The following DMXL1 variants were observed in gnomAD, a reference collection of about 807,000 sequenced individuals.
The protein encoded by DMXL1 is Dmx like 1, also known as dmX-like protein 1.
A neutral mutation model predicts 319.2 loss-of-function variants in DMXL1; 99 were observed. That is an observed-to-expected ratio of 0.31 (90% CI 0.26 to 0.37). DMXL1 has a LOEUF of 0.37. Ranked by LOEUF, DMXL1 falls within the 10% of genes least tolerant of loss-of-function variation. The pLI is 1.00. For synonymous variants in DMXL1, 1,385 were observed against 1,235.2 expected (o/e 1.12, Z -2.54); for missense variants, 3,745 against 3,595.6 (o/e 1.04, Z -1.06).
chr5:119,193,694 G>T, intron 29 of DMXL1, 134 bp from the exon 30 acceptor site: 1 of 869,066 alleles, frequency 1.2e-6, no homozygotes, highest in South Asian at 1.6e-5. Context: ...GGCATAGGAT[G>T]GTAAGATAAT....
chr5:119,183,135 A>G lies in DMXL1; in HGVS notation c.7135+4891A>G, dbSNP rs553695546. Among the ~76,000 whole-genome samples the G allele has an allele frequency of 2.0e-5, 3 of 152,318 alleles. 1 individual carries two copies. The highest frequency in any genetic ancestry group is 4.1e-4 in the South Asian group (2 of 4,828). On this transcript the variant is annotated intron_variant, in intron 28 of 43. Coordinates refer to ENST00000539542, the MANE Select transcript of DMXL1 (RefSeq NM_001290321.3). The stretch of plus-strand genomic sequence containing the variant: ...TATATTTTTTACTATGAGATTGCTA[A>G]TGATATTCTAGACATAAAGTTTATT...
chr5:119,136,685 C>T (rs186703446), intron 13 of DMXL1, among the ~76,000 whole-genome samples: 84 of 152,364 alleles, frequency 5.5e-4, no homozygotes, highest in African/African-American at 1.9e-3. Context: ...TAAAAGGGGC[C>T]GTGGTACAGC....
At chr5:119,117,040 T>G (rs1296878689) in intron 7 of DMXL1, among the ~76,000 whole-genome samples, 2 of 152,142 alleles carry the variant, frequency 1.3e-5, no homozygotes, top group African/African-American at 4.8e-5. Flanking sequence ...TTGTTTTGTT[T>G]AGTTTTGAGA....
At chr5:119,169,378 A>G (rs746783748) in intron 23 of DMXL1, among the ~76,000 whole-genome samples, 74 of 152,326 alleles carry the variant, frequency 4.9e-4, no homozygotes, top group Middle Eastern at 6.8e-3. Flanking sequence ...TGATTTTAAG[A>G]TTGATTACAT....
rs866386365 is a variant in DMXL1, at chr5:119,123,757, A to G, written c.1102+2618A>G. Reference sequence around the variant, plus strand: ...GCAATCTTCTTGCCTTGGCCTCCCAAAGTGCTGGGATTACAGGCGGGAGCC... The same window carrying G: ...GCAATCTTCTTGCCTTGGCCTCCCAGAGTGCTGGGATTACAGGCGGGAGCC... On this transcript the variant is annotated intron_variant, in intron 9 of 43. Coordinates refer to ENST00000539542, the MANE Select transcript of DMXL1 (RefSeq NM_001290321.3). 3.1e-4 allele frequency among the ~76,000 whole-genome samples: 24 copies of G among 77,454 alleles called. 1 individual carries two copies. The highest frequency in any genetic ancestry group is 7.2e-4 in the South Asian group (1 of 1,390). 50.8% of individuals were successfully genotyped at this position (77,454 alleles called of 152,430 possible).
intron 13 of DMXL1, among the ~76,000 whole-genome samples, chr5:119,141,709 A>G (rs987124562): frequency 1.3e-5 from 2 of 152,182 alleles, no homozygotes; most frequent in African/African-American, 4.8e-5. Context: ...TACAGATTCA[A>G]TGCTATTCCT....
chr5:119,170,859 T>C lies in DMXL1; in HGVS notation c.6068T>C (p.Ile2023Thr), dbSNP rs776016349. ...GACCTTTTAAATCCATCAGAAGATA[T>C]AATTGCAGTTCAGTTAAAATTTAGA... Reference protein sequence around the residue: ...ENDLLNPSEDIIAVQLKFRAC... With the variant: ...ENDLLNPSEDTIAVQLKFRAC... Residue 2023 changes from isoleucine (I) to threonine (T), a missense_variant, in exon 24 of 44, where the codon ATA becomes ACA. Transcript: ENST00000539542. The C allele has an allele frequency of 3.7e-5, 60 of 1,612,460 alleles. No individual in the cohort carries two copies. The highest frequency in any genetic ancestry group is 4.7e-5 in the Non-Finnish European group (56 of 1,179,630).
chr5:119,233,016 C>G (rs954466070), intron 38 of DMXL1, among the ~76,000 whole-genome samples: 2 of 151,138 alleles, frequency 1.3e-5, no homozygotes, highest in Non-Finnish European at 2.9e-5. Context: ...CTAAGAATTT[C>G]TTATAATGAG....
At chr5:119,134,794 GT>G (rs1211539341) in intron 13 of DMXL1, among the ~76,000 whole-genome samples, 13 of 152,314 alleles carry the variant, frequency 8.5e-5, no homozygotes, top group Non-Finnish European at 1.2e-4. Context: ...TCAGACAAGA[GT>G]TCTTTCAGTA....
chr5:119,160,773 T>G (rs1421497742), intron 19 of DMXL1, among the ~76,000 whole-genome samples: 2 of 152,180 alleles, frequency 1.3e-5, no homozygotes. Context: ...GTAACATACT[T>G]CTTTGTCTCC....
At chr5:119,108,213 A>C (rs1411384556) in intron 4 of DMXL1, among the ~76,000 whole-genome samples, 1 of 152,134 alleles carries the variant, frequency 6.6e-6, no homozygotes, top group Non-Finnish European at 1.5e-5. Flanking sequence ...AAATTTAAAA[A>C]AGTGATTGTT....
At position 119,167,724 on chromosome 5, in the gene DMXL1, A is replaced by G; in HGVS notation, c.5258A>G (p.Asp1753Gly). 3 of 1,613,686 alleles carry G rather than the reference A, an allele frequency of 1.9e-6. No individual in the cohort carries two copies. Among genetic ancestry groups the G allele is most frequent in the Non-Finnish European group, 2.5e-6 (3 of 1,179,766 alleles). ...SILRKKVLGIDSPVSELCSLN... is the reference protein window; with the variant it reads ...SILRKKVLGIGSPVSELCSLN... The stretch of plus-strand genomic sequence containing the variant: ...TTACGTAAAAAAGTTTTGGGAATCG[A>G]TTCTCCTGTCAGTGAACTGTGTTCA... Residue 1753 changes from aspartate (D) to glycine (G), a missense_variant, in exon 23 of 44, where the codon GAT becomes GGT. This residue lies in a region of DMXL1 where 1,382 missense variants were observed against 1,269.5 expected (regional missense o/e 1.09). Coordinates refer to ENST00000539542, the MANE Select transcript of DMXL1 (RefSeq NM_001290321.3).
chr5:119,085,076 C>A (rs916767362), intron 1 of DMXL1, among the ~76,000 whole-genome samples: 2 of 151,986 alleles, frequency 1.3e-5, no homozygotes, highest in African/African-American at 4.8e-5. Context: ...CTCCTGTAAT[C>A]TCATCACTTT....
intron 34 of DMXL1, among the ~76,000 whole-genome samples, chr5:119,215,282 GA>G (rs1783480429): frequency 6.6e-6 from 1 of 151,832 alleles, no homozygotes; most frequent in Non-Finnish European, 1.5e-5. Context: ...CTTTCCAATT[GA>G]ACAGTGATCT....
intron 4 of DMXL1, 81 bp downstream of exon 4, chr5:119,105,339 C>G (rs1039750411): frequency 2.0e-5 from 23 of 1,134,556 alleles, no homozygotes; most frequent in East Asian, 1.2e-4. Flanking sequence ...ATGTATTTCA[C>G]TTCTGCTGGG....
chr5:119,112,056 G>T (rs1305137260), intron 5 of DMXL1, among the ~76,000 whole-genome samples: 1 of 152,206 alleles, frequency 6.6e-6, no homozygotes, highest in African/African-American at 2.4e-5. Context: ...CGCCTCCCGG[G>T]TTCATACCAT....
chr5:119,121,348 A>G (rs1198290272), intron 9 of DMXL1, among the ~76,000 whole-genome samples: 2 of 151,106 alleles, frequency 1.3e-5, no homozygotes, highest in Non-Finnish European at 2.9e-5. Context: ...TGGCACGGTC[A>G]TAGGACAATA....
intron 28 of DMXL1, among the ~76,000 whole-genome samples, chr5:119,180,396 C>T (rs1160545887): frequency 6.6e-6 from 1 of 152,046 alleles, no homozygotes; most frequent in Non-Finnish European, 1.5e-5. Context: ...AACATGACTT[C>T]TCCAGAAACC....
chr5:119,124,879 T>C (rs1763165082), intron 9 of DMXL1, among the ~76,000 whole-genome samples: 1 of 152,170 alleles, frequency 6.6e-6, no homozygotes. Context: ...CATTTTTCTT[T>C]TATTGTGGAT....
Sources: allele counts gnomAD v4.1 joint callset (sites outside exome capture counted in the v4.1 genomes callset), GRCh38; gene constraint gnomAD v4.1.1; regional missense constraint gnomAD v4.1.1; transcripts MANE v1.5; gene names NCBI Gene and HGNC (gene_info 2026-07-23, HGNC 2026-07-21).